Variants in MICAL2 observed in about 807,000 individuals in gnomAD.
The protein encoded by MICAL2 is microtubule associated monooxygenase, calponin and LIM domain containing 2.
In MICAL2, 77 loss-of-function variants were observed where a neutral mutation model predicts 127.3. The ratio of observed to expected loss-of-function variants is 0.60; its 90% CI spans 0.50 to 0.73. MICAL2 has a LOEUF of 0.73. Ranked by LOEUF, MICAL2 falls within the 30% of genes least tolerant of loss-of-function variation. The pLI, the probability that MICAL2 is intolerant of heterozygous loss-of-function variation, is 0.00. For missense variants in MICAL2, 1,351 were observed against 1,434.4 expected (o/e 0.94, Z 0.94); for synonymous variants, 570 against 551.1 (o/e 1.03, Z -0.48).
chr11:12,224,818 C>T lies in MICAL2; in HGVS notation c.1686C>T (p.Leu562=). ...CAIIHRFRPE[L]INFDSLNEDD... The stretch of plus-strand genomic sequence containing the variant: ...TCATCCACCGCTTCCGGCCTGAGCT[C>T]ATGTGAGTCTGGGGCCCAGGCTGGC... Residue 562 remains leucine, a splice_region_variant and synonymous_variant, in exon 13 of 28, where the codon CTC becomes CTT. Transcript: ENST00000683283. 3 of 1,609,356 alleles carry T rather than the reference C, an allele frequency of 1.9e-6. No individual in the cohort carries two copies. The highest frequency in any genetic ancestry group is 2.6e-6 in the Non-Finnish European group (3 of 1,175,952).
intron 3 of MICAL2, among the ~76,000 whole-genome samples, chr11:12,197,064 T>C (rs1860030555): frequency 6.6e-6 from 1 of 152,226 alleles, no homozygotes; most frequent in Non-Finnish European, 1.5e-5. Flanking sequence ...GCATTCATTG[T>C]ATCTGTTTTT....
Position 12,256,752 on chromosome 11 carries a change from A to G in MICAL2, c.2956-33A>G, listed in dbSNP as rs113082277. The G allele has an allele frequency of 2.6e-3, 4,022 of 1,575,358 alleles. 88 individuals carry two copies. The African/African-American group carries it at 0.046, about 18-fold the overall frequency. On this transcript the variant is annotated intron_variant, in intron 23 of 27. Transcript: ENST00000683283. ...GGCATTTGAAGGCTCGGGATAAGCC[A>G]TAATACACCCACTCTTCTCTCCCGA...
chr11:12,349,499 A>T (rs547221835), intron 32 of MICAL2, among the ~76,000 whole-genome samples: 20 of 152,286 alleles, frequency 1.3e-4, no homozygotes, highest in Middle Eastern at 6.8e-3. Flanking sequence ...TTGGTGAAGG[A>T]TGTGATGCAT....
chr11:12,174,405 G>C (rs1856616161), intron 3 of MICAL2, among the ~76,000 whole-genome samples: 1 of 123,048 alleles, frequency 8.1e-6, no homozygotes, highest in Non-Finnish European at 1.6e-5. Context: ...TCTGTCTCTA[G>C]AGTTTAACTA....
intron 32 of MICAL2, among the ~76,000 whole-genome samples, chr11:12,339,666 G>T (rs1391472027): frequency 1.3e-5 from 2 of 152,206 alleles, no homozygotes; most frequent in Non-Finnish European, 2.9e-5. Flanking sequence ...CCTTCTAACA[G>T]TCAGGACCCT....
chr11:12,212,285 C>T (rs1244749737), intron 6 of MICAL2, among the ~76,000 whole-genome samples: 1 of 152,096 alleles, frequency 6.6e-6, no homozygotes, highest in African/African-American at 2.4e-5. Flanking sequence ...GCCTGGGCAA[C>T]ATGATGAAAC....
upstream of MICAL2, among the ~76,000 whole-genome samples, chr11:12,274,018 G>C (rs1376012033): frequency 6.6e-6 from 1 of 152,132 alleles, no homozygotes; most frequent in Admixed American, 6.5e-5. Flanking sequence ...AGAAGAAAGA[G>C]TAGGCTGGGG....
intron 3 of MICAL2, among the ~76,000 whole-genome samples, chr11:12,173,168 C>T (rs1856469831): frequency 6.6e-6 from 1 of 152,158 alleles, no homozygotes; most frequent in Admixed American, 6.5e-5. Context: ...TGACAGATTT[C>T]ACTGCAACCT....
chr11:12,268,954 G>C (rs1321263695), intron 24 of MICAL2, among the ~76,000 whole-genome samples: 2 of 152,166 alleles, frequency 1.3e-5, no homozygotes, highest in African/African-American at 4.8e-5. Flanking sequence ...AGCCAAGATT[G>C]TGCCACTGCA....
chr11:12,182,017 C>T (rs1267592853), intron 3 of MICAL2, among the ~76,000 whole-genome samples: 1 of 152,226 alleles, frequency 6.6e-6, no homozygotes, highest in Non-Finnish European at 1.5e-5. Context: ...TTCATTCCTT[C>T]TTGCAGTGGT....
At chr11:12,220,530 A>G in intron 9 of MICAL2, 72 bp downstream of exon 9, 1 of 1,556,300 alleles carries the variant, frequency 6.4e-7, no homozygotes, top group Non-Finnish European at 8.6e-7. Flanking sequence ...GGCAGGCAGT[A>G]TCTGCTGTTG....
chr11:12,196,380 T>C (rs1859927416), intron 3 of MICAL2, among the ~76,000 whole-genome samples: 1 of 152,164 alleles, frequency 6.6e-6, no homozygotes, highest in Admixed American at 6.5e-5. Context: ...GAAATGTCAG[T>C]GCACAGTTGG....
chr11:12,145,270 A>G (rs1285111378), intron 2 of MICAL2, among the ~76,000 whole-genome samples: 1 of 152,178 alleles, frequency 6.6e-6, no homozygotes, highest in Non-Finnish European at 1.5e-5. Context: ...TGCTATCAGG[A>G]CCCAGCATGC....
At chr11:12,242,511 G>A in intron 19 of MICAL2, 79 bp downstream of exon 19, 2 of 1,502,856 alleles carry the variant, frequency 1.3e-6, no homozygotes, top group South Asian at 1.2e-5. Flanking sequence ...CTACCCGGGT[G>A]GGTTCCTCCT....
intron 16 of MICAL2, among the ~76,000 whole-genome samples, chr11:12,237,854 T>C (rs1477482063): frequency 6.6e-6 from 1 of 152,228 alleles, no homozygotes; most frequent in African/African-American, 2.4e-5. Flanking sequence ...TTCCTGGTGA[T>C]TCGTGGACCC....
At chr11:12,295,733 A>G (rs555467683), downstream of MICAL2, among the ~76,000 whole-genome samples, 2 of 152,168 alleles carry the variant, frequency 1.3e-5, no homozygotes, top group South Asian at 2.1e-4. Flanking sequence ...ACATTATATC[A>G]TAGATATTAT....
intron 22 of MICAL2, chr11:12,250,213 G>C (rs56052330): frequency 0.031 from 4,663 of 152,350 alleles, 89 homozygotes; most frequent in Middle Eastern, 0.058. Flanking sequence ...CAAGAGAGAA[G>C]TCCCAGAACA....
At chr11:12,145,297 C>T (rs1852775513) in intron 2 of MICAL2, among the ~76,000 whole-genome samples, 1 of 152,180 alleles carries the variant, frequency 6.6e-6, no homozygotes, top group African/African-American at 2.4e-5. Context: ...GAAAAGACCC[C>T]TTTGGTGTTT....
At chr11:12,174,968 A>G (rs768756929) in intron 3 of MICAL2, among the ~76,000 whole-genome samples, 12 of 152,120 alleles carry the variant, frequency 7.9e-5, no homozygotes, top group Non-Finnish European at 1.5e-4. Context: ...AAAAAAATAC[A>G]AAAAAGTAGT....
Sources: allele counts gnomAD v4.1 joint callset (sites outside exome capture counted in the v4.1 genomes callset), GRCh38; gene constraint gnomAD v4.1.1; transcripts MANE v1.5; gene names NCBI Gene and HGNC (gene_info 2026-07-23, HGNC 2026-07-21).